CNTNAP5: variants seen among roughly 807,000 people sequenced by gnomAD.
The protein encoded by CNTNAP5 is contactin-associated protein-like 5.
Under a neutral mutation model 150.2 loss-of-function variants are expected in CNTNAP5, and 72 were observed. That is an observed-to-expected ratio of 0.48 (90% CI 0.40 to 0.58). The LOEUF (loss-of-function observed/expected upper bound fraction) is 0.58, where lower values mean the gene tolerates loss of function less well. CNTNAP5 is among the 20% of genes least tolerant of loss of function. The pLI is 0.00. For synonymous variants in CNTNAP5, 672 were observed against 619.8 expected, an observed-to-expected ratio of 1.08 and a Z score of -1.25; for missense variants, 1,636 against 1,626.2, an observed-to-expected ratio of 1.01 and a Z score of -0.10.
chr2:124,048,214 G>A (rs1220033707), intron 1 of CNTNAP5, among the ~76,000 whole-genome samples: 1 of 152,142 alleles, frequency 6.6e-6, no homozygotes, highest in African/African-American at 2.4e-5. Context: ...GCAGCATGGT[G>A]TCATGGGGGA....
At chr2:124,382,196 G>A (rs1253232148) in intron 3 of CNTNAP5, among the ~76,000 whole-genome samples, 1 of 152,134 alleles carries the variant, frequency 6.6e-6, no homozygotes. Context: ...GGCCCTTCCT[G>A]CTAGAATGAG....
chr2:124,763,951 A>G (rs759724960), intron 15 of CNTNAP5, 26 bp from the exon 16 acceptor site: 2 of 1,606,444 alleles, frequency 1.2e-6, no homozygotes, highest in South Asian at 2.2e-5. Flanking sequence ...ACGATAAACC[A>G]TGTTGAAGGA....
chr2:124,397,882 A>T (rs940945137), intron 3 of CNTNAP5, among the ~76,000 whole-genome samples: 5 of 152,208 alleles, frequency 3.3e-5, no homozygotes, highest in African/African-American at 1.2e-4. Context: ...TGAAGAATGA[A>T]AAATCGCAAC....
intron 13 of CNTNAP5, among the ~76,000 whole-genome samples, chr2:124,722,143 T>G (rs142056362): frequency 3.6e-4 from 55 of 152,220 alleles, no homozygotes; most frequent in Non-Finnish European, 7.1e-4. Context: ...CATAAGAATT[T>G]GGGAAGAACA....
intron 17 of CNTNAP5, among the ~76,000 whole-genome samples, chr2:124,776,360 G>A (rs1380994672): frequency 6.6e-6 from 1 of 151,982 alleles, no homozygotes; most frequent in African/African-American, 2.4e-5. Flanking sequence ...AATCCCCTGG[G>A]GAAAATACTA....
At chr2:124,381,267 C>CA (rs1304484924) in intron 3 of CNTNAP5, among the ~76,000 whole-genome samples, 1 of 152,112 alleles carries the variant, frequency 6.6e-6, no homozygotes, top group Non-Finnish European at 1.5e-5. Flanking sequence ...GATACCAACA[C>CA]AATACTTTAC....
chr2:124,860,174 A>AC (rs61380929), intron 19 of CNTNAP5, among the ~76,000 whole-genome samples: 151,796 of 151,802 alleles, frequency 1, 75,895 homozygotes, highest in Middle Eastern at 1. Context: ...ACATGGTGAA[A>AC]CCCATCTCTA....
At chr2:124,601,072 A>T (rs1285591995) in intron 11 of CNTNAP5, among the ~76,000 whole-genome samples, 1 of 152,164 alleles carries the variant, frequency 6.6e-6, no homozygotes, top group African/African-American at 2.4e-5. Context: ...CCAGTTGTGG[A>T]CACTTGGTGA....
chr2:124,554,427 T>TTC (rs1695705612), intron 10 of CNTNAP5, among the ~76,000 whole-genome samples: 1 of 150,780 alleles, frequency 6.6e-6, no homozygotes, highest in South Asian at 2.1e-4. Context: ...TTTTTCTTTT[T>TTC]TTTTTTTTTT....
At position 124,625,943 on chromosome 2, in the gene CNTNAP5, T is replaced by C. The variant is rs58343606; in HGVS notation, c.1876+16023T>C. On this transcript the variant is annotated intron_variant, in intron 12 of 23. Transcript: ENST00000682447. ...AATCCTGGTCAAGTTGCCTAACTTT[T>C]ATGAGGCTTAATTTCCTCATCTGTA... 2.6e-3 allele frequency among the ~76,000 whole-genome samples: 396 copies of C among 152,302 alleles called. 2 individuals are homozygous for C. Among genetic ancestry groups the C allele is most frequent in the African/African-American group, 9.2e-3 (383 of 41,564 alleles).
At chr2:124,277,402 C>T (rs548515330) in intron 3 of CNTNAP5, among the ~76,000 whole-genome samples, 2 of 152,218 alleles carry the variant, frequency 1.3e-5, no homozygotes, top group South Asian at 2.1e-4. Flanking sequence ...GTCCTATAAA[C>T]AGCAAGTCCT....
intron 10 of CNTNAP5, among the ~76,000 whole-genome samples, chr2:124,559,904 G>A (rs975079378): frequency 1.3e-5 from 2 of 152,080 alleles, no homozygotes; most frequent in Non-Finnish European, 2.9e-5. Context: ...CTCTACTAGT[G>A]CTCATTTATT....
intron 3 of CNTNAP5, among the ~76,000 whole-genome samples, chr2:124,358,398 G>A (rs1573939224): frequency 6.6e-6 from 1 of 152,304 alleles, no homozygotes; most frequent in Non-Finnish European, 1.5e-5. Context: ...CAAAGGGAAT[G>A]CTTCCAGTTT....
intron 6 of CNTNAP5, among the ~76,000 whole-genome samples, chr2:124,466,827 A>AATC (rs1693388872): frequency 6.6e-6 from 1 of 152,228 alleles, no homozygotes; most frequent in Non-Finnish European, 1.5e-5. Flanking sequence ...TCAGAAATAC[A>AATC]ATCTCCATTC....
chr2:124,046,966 G>A (rs1681555687), intron 1 of CNTNAP5, among the ~76,000 whole-genome samples: 1 of 152,120 alleles, frequency 6.6e-6, no homozygotes, highest in Non-Finnish European at 1.5e-5. Context: ...AAATTTCTTT[G>A]ATACAGAAAT....
chr2:124,435,364 AAGG>A (rs1692503503), intron 5 of CNTNAP5, among the ~76,000 whole-genome samples: 1 of 152,048 alleles, frequency 6.6e-6, no homozygotes, highest in African/African-American at 2.4e-5. Context: ...TATCCCAGAG[AAGG>A]AGGAGAGAGG....
chr2:124,830,050 T>C (rs1343092811), intron 19 of CNTNAP5, among the ~76,000 whole-genome samples: 2 of 151,724 alleles, frequency 1.3e-5, no homozygotes, highest in South Asian at 2.1e-4. Flanking sequence ...ATATTTTATG[T>C]GATTTATAGC....
At chr2:124,743,400 C>A (rs985968349) in intron 13 of CNTNAP5, among the ~76,000 whole-genome samples, 4 of 152,104 alleles carry the variant, frequency 2.6e-5, no homozygotes, top group Admixed American at 6.6e-5. Context: ...TAGCTGGGAC[C>A]CAAGTATGCA....
intron 1 of CNTNAP5, among the ~76,000 whole-genome samples, chr2:124,146,036 C>T (rs1476710549): frequency 1.3e-5 from 2 of 151,958 alleles, no homozygotes; most frequent in Admixed American, 6.6e-5. Flanking sequence ...AATATTTTGT[C>T]TTATTCTCAG....
Sources: gnomAD v4.1 joint callset for allele counts (sites outside exome capture counted in the v4.1 genomes callset) on GRCh38, gnomAD v4.1.1 for gene constraint, MANE v1.5 for transcripts, NCBI Gene and HGNC (gene_info 2026-07-23, HGNC 2026-07-21) for gene names.